The following KLHDC4 variants were observed in gnomAD, a reference collection of about 807,000 sequenced individuals.
The protein encoded by KLHDC4 is kelch domain containing 4.
KLHDC4 carries 90 observed loss-of-function variants against 62.4 expected under a neutral mutation model. That is an observed-to-expected ratio of 1.44 (90% CI 1.22 to 1.72). KLHDC4 has a LOEUF of 1.72. KLHDC4 is among the 40% of genes most tolerant of loss of function. The pLI, the probability that KLHDC4 is intolerant of heterozygous loss-of-function variation, is 0.00. For synonymous variants in KLHDC4, 386 were observed against 284.4 expected, an observed-to-expected ratio of 1.36 and a Z score of -3.59; for missense variants, 1,025 against 699.7, an observed-to-expected ratio of 1.47 and a Z score of -5.25.
exon 1 of KLHDC4, chr16:87,699,864 C>T (rs1229704775): frequency 2.0e-5 from 3 of 152,420 alleles, no homozygotes; most frequent in East Asian, 3.9e-4. Flanking sequence ...ATGGCCACCG[C>T]GTCTCACGGA....
chr16:87,701,098 C>T, exon 1 of KLHDC4: 1 of 183,924 alleles, frequency 5.4e-6, no homozygotes, highest in Non-Finnish European at 1.1e-5. Context: ...GTATTTTCAC[C>T]ATGTGCCCCC....
chr16:87,763,939 T>C (rs995235445), intron 1 of KLHDC4, among the ~76,000 whole-genome samples: 2 of 152,180 alleles, frequency 1.3e-5, no homozygotes, highest in African/African-American at 2.4e-5. Context: ...CAACTTGCCA[T>C]GTTTGAGACA....
At chr16:87,719,149 G>A (rs554819007) in intron 7 of KLHDC4, among the ~76,000 whole-genome samples, 28 of 152,338 alleles carry the variant, frequency 1.8e-4, no homozygotes, top group Non-Finnish European at 3.4e-4. Flanking sequence ...CTTCCCGGCC[G>A]CCACCCCGTC....
At chr16:87,715,269 T>G (rs180762218) in intron 7 of KLHDC4, among the ~76,000 whole-genome samples, 1 of 152,352 alleles carries the variant, frequency 6.6e-6, no homozygotes, top group Admixed American at 6.5e-5. Context: ...TCTCTATTTT[T>G]AATACACTAT....
At chr16:87,703,204 CGAGT>C (rs2034250090), downstream of KLHDC4, 1 of 151,986 alleles carries the variant, frequency 6.6e-6, no homozygotes, top group Non-Finnish European at 1.5e-5. Flanking sequence ...GCAGGAATCG[CGAGT>C]GAGTTCCATG....
At chr16:87,698,313 C>T (rs1467668703) in exon 1 of KLHDC4, 1 of 152,168 alleles carries the variant, frequency 6.6e-6, no homozygotes, top group Non-Finnish European at 1.5e-5. Context: ...TCTTTTCCAT[C>T]TTTTAGTAGC....
At chr16:87,752,605 G>A (rs1369484724) in intron 4 of KLHDC4, among the ~76,000 whole-genome samples, 1 of 151,942 alleles carries the variant, frequency 6.6e-6, no homozygotes, top group Non-Finnish European at 1.5e-5. Context: ...AAAGTGCTGG[G>A]ATTACAGGCA....
chr16:87,744,181 C>T (rs767577150), intron 5 of KLHDC4, among the ~76,000 whole-genome samples: 2 of 151,992 alleles, frequency 1.3e-5, no homozygotes, highest in Non-Finnish European at 2.9e-5. Flanking sequence ...TTTGTGAGAC[C>T]GAGGTGGGGG....
At chr16:87,754,702 G>A (rs1235577213) in intron 4 of KLHDC4, among the ~76,000 whole-genome samples, 1 of 152,192 alleles carries the variant, frequency 6.6e-6, no homozygotes, top group African/African-American at 2.4e-5. Context: ...AACTCCGGAA[G>A]CCCCTTCCCT....
At chr16:87,753,493 A>G (rs2044347135) in intron 4 of KLHDC4, among the ~76,000 whole-genome samples, 1 of 152,186 alleles carries the variant, frequency 6.6e-6, no homozygotes. Context: ...ACACTGTTTG[A>G]TAGGTGAAAA....
intron 2 of KLHDC4, among the ~76,000 whole-genome samples, chr16:87,760,991 C>T (rs1471992912): frequency 6.6e-6 from 1 of 152,126 alleles, no homozygotes; most frequent in African/African-American, 2.4e-5. Flanking sequence ...CAAGATCATG[C>T]CACTGTACTC....
intron 5 of KLHDC4, among the ~76,000 whole-genome samples, chr16:87,738,021 G>A (rs1192931756): frequency 6.6e-6 from 1 of 152,182 alleles, no homozygotes; most frequent in East Asian, 1.9e-4. Context: ...CTGCCTTCAT[G>A]AGCTACTGCT....
At chr16:87,735,437 C>T (rs1285937766) in intron 5 of KLHDC4, among the ~76,000 whole-genome samples, 1 of 152,246 alleles carries the variant, frequency 6.6e-6, no homozygotes, top group Non-Finnish European at 1.5e-5. Flanking sequence ...GGGCCTGCTG[C>T]AGCCCCATAG....
At chr16:87,741,247 C>T (rs1481409929) in intron 5 of KLHDC4, among the ~76,000 whole-genome samples, 2 of 152,352 alleles carry the variant, frequency 1.3e-5, no homozygotes, top group Middle Eastern at 3.4e-3. Flanking sequence ...CCAACCAACA[C>T]ATAGCAGAAG....
intron 4 of KLHDC4, chr16:87,750,141 G>C (rs535285977): frequency 6.6e-6 from 1 of 152,370 alleles, no homozygotes; most frequent in South Asian, 2.1e-4. Flanking sequence ...TTAGGGGACG[G>C]CACACATCCA....
rs1355727004 is a variant in KLHDC4 at position 87,708,381 on chromosome 16, G to T, written c.1533C>A (p.Asp511Glu). Residue 511 changes from aspartate (D) to glutamate (E), a missense_variant, in exon 11 of 12, where the codon GAC becomes GAA. Asp to Glu is a conservative substitution (Grantham distance 45). Transcript: ENST00000270583. ...CCTCCGCACCGCTCTCCTCTCCGCT[G>T]TCTTCGTCGTCGACCCCACCCTCGG... ...EGAEGGVDDEDSGEESGAED is the reference protein window; with the variant it reads ...EGAEGGVDDEESGEESGAED The T allele has an allele frequency of 1.9e-6, 3 of 1,610,444 alleles. No homozygotes were observed. The highest frequency in any genetic ancestry group is 2.5e-6 in the Non-Finnish European group (3 of 1,178,990).
At chr16:87,739,356 T>C (rs373806619) in intron 5 of KLHDC4, among the ~76,000 whole-genome samples, 67 of 68,336 alleles carry the variant, frequency 9.8e-4, no homozygotes, top group Middle Eastern at 0.013. Flanking sequence ...CACACCAGCA[T>C]CTCATCCATC....
At position 87,708,594 on chromosome 16, in the gene KLHDC4, T is replaced by G; in HGVS notation, c.1448-128A>C. The G allele has an allele frequency of 5.7e-6, 3 of 522,706 alleles. No homozygotes were observed. In the South Asian group the frequency reaches 1.5e-4, roughly 27 times the overall value. The allele number at this position is 522,706 out of a possible 1,614,324, so 32.4% of individuals were successfully genotyped here. On this transcript the variant is annotated intron_variant, in intron 10 of 11. Coordinates refer to ENST00000270583, the MANE Select transcript of KLHDC4 (RefSeq NM_017566.4). ...TAAGAACCATAATGTGAAACCTAAC[T>G]CCTCTTCCCCGACCCCCTTCAGATC...
Position 87,733,734 on chromosome 16 carries a change from G to C in KLHDC4, c.507-3090C>G, listed in dbSNP as rs113636695. On this transcript the variant is annotated intron_variant, in intron 5 of 11. Coordinates refer to ENST00000270583, the MANE Select transcript of KLHDC4 (RefSeq NM_017566.4). The stretch of plus-strand genomic sequence containing the variant: ...TCCACTCCCTGGGATCCTCACTGAT[G>C]ACCTGCCTCTCCTCCTACTTAGGAA... Among the ~76,000 whole-genome samples, 27 of 126,200 alleles carry C rather than the reference G, an allele frequency of 2.1e-4. 2 individuals are homozygous for C. Among genetic ancestry groups the C allele is most frequent in the African/African-American group, 8.1e-4 (26 of 31,920 alleles). The allele number at this position is 126,200 out of a possible 152,430, so 82.8% of individuals were successfully genotyped here.
Sources: gnomAD v4.1 joint callset for allele counts (sites outside exome capture counted in the v4.1 genomes callset) on GRCh38, gnomAD v4.1.1 for gene constraint, MANE v1.5 for transcripts, NCBI Gene and HGNC (gene_info 2026-07-23, HGNC 2026-07-21) for gene names.